ARRB1: variants seen among roughly 807,000 people sequenced by gnomAD.
The protein encoded by ARRB1 is beta-arrestin-1.
Under a neutral mutation model 56.8 loss-of-function variants are expected in ARRB1, and 21 were observed. That is an observed-to-expected ratio of 0.37 (90% CI 0.26 to 0.53). The LOEUF (loss-of-function observed/expected upper bound fraction) is 0.53. Ranked by LOEUF, ARRB1 falls within the 20% of genes least tolerant of loss-of-function variation. The pLI is 0.88. For missense variants in ARRB1, 424 were observed against 553.7 expected (o/e 0.77, Z 2.35); for synonymous variants, 210 against 218.6 (o/e 0.96, Z 0.35).
At chr11:75,292,919 G>C (rs550255534) in intron 1 of ARRB1, among the ~76,000 whole-genome samples, 11 of 152,322 alleles carry the variant, frequency 7.2e-5, no homozygotes, top group African/African-American at 2.6e-4. Flanking sequence ...CAGCAAGCCA[G>C]GGGCTCGGTC....
intron 1 of ARRB1, among the ~76,000 whole-genome samples, chr11:75,327,215 T>C (rs1219043488): frequency 7.5e-6 from 1 of 132,744 alleles, no homozygotes; most frequent in African/African-American, 2.9e-5. Flanking sequence ...GGCAGGAGAA[T>C]GGCGTGAACC....
intron 1 of ARRB1, among the ~76,000 whole-genome samples, chr11:75,333,842 C>T (rs899673465): frequency 1.3e-5 from 2 of 152,190 alleles, no homozygotes; most frequent in African/African-American, 4.8e-5. Flanking sequence ...GACATTGCTG[C>T]CAACAAACTC....
chr11:75,290,134 CTG>C lies in ARRB1; in HGVS notation c.21-97_21-96del, dbSNP rs993606146. On this transcript the variant is annotated intron_variant, in intron 1 of 15. Transcript: ENST00000420843. ...CTTGAGGCAGGACTGGGGACCAGGG[CTG>C]GAGTGACTGACAGGCACCATGCAGG... 4 of 1,467,254 alleles carry C rather than the reference CTG, an allele frequency of 2.7e-6. No individual in the cohort carries two copies. In the African/African-American group the frequency reaches 5.6e-5, roughly 21 times the overall value. 90.9% of individuals were successfully genotyped at this position (1,467,254 alleles called of 1,614,324 possible).
At chr11:75,341,977 C>T (rs1396373079) in intron 1 of ARRB1, among the ~76,000 whole-genome samples, 5 of 152,212 alleles carry the variant, frequency 3.3e-5, no homozygotes, top group Non-Finnish European at 7.3e-5. Context: ...CGCCCTCTCC[C>T]CTCCTAACGA....
chr11:75,338,417 C>A (rs1380252682), intron 1 of ARRB1, among the ~76,000 whole-genome samples: 1 of 152,154 alleles, frequency 6.6e-6, no homozygotes, highest in Non-Finnish European at 1.5e-5. Context: ...CAGTTTGGAT[C>A]CCCTGAACTG....
At chr11:75,315,110 A>T (rs1017476245) in intron 1 of ARRB1, among the ~76,000 whole-genome samples, 2 of 152,110 alleles carry the variant, frequency 1.3e-5, no homozygotes, top group African/African-American at 4.8e-5. Context: ...GCTGTAGTGA[A>T]TTTTAACAAT....
At chr11:75,273,718 C>T (rs937718272) in intron 11 of ARRB1, among the ~76,000 whole-genome samples, 2 of 152,018 alleles carry the variant, frequency 1.3e-5, no homozygotes, top group Non-Finnish European at 2.9e-5. Flanking sequence ...TCTAACCCAG[C>T]TCACCACCCT....
chr11:75,279,671 T>A (rs1205583348), intron 7 of ARRB1, among the ~76,000 whole-genome samples: 1 of 152,148 alleles, frequency 6.6e-6, no homozygotes, highest in Non-Finnish European at 1.5e-5. Context: ...AAATTTTTAT[T>A]AATTTATTTA....
intron 7 of ARRB1, among the ~76,000 whole-genome samples, chr11:75,279,217 A>G (rs1210378454): frequency 6.6e-6 from 1 of 152,228 alleles, no homozygotes. Flanking sequence ...TATAATAAAC[A>G]ACTGCCAGAT....
rs751058074 is a variant in ARRB1, at chr11:75,274,060, G to A, written c.914+14C>T. ...ATGCACTAGGAGCCCAGGGCTAGGAGGGCAGGTCCTCACAGGGTGCTAGAG... is the reference window on the plus strand; with the variant it reads ...ATGCACTAGGAGCCCAGGGCTAGGAAGGCAGGTCCTCACAGGGTGCTAGAG... On this transcript the variant is annotated intron_variant, in intron 11 of 15. Coordinates refer to ENST00000420843, the MANE Select transcript of ARRB1 (RefSeq NM_004041.5). 1 of 1,614,098 alleles carries A rather than the reference G, an allele frequency of 6.2e-7. No individual in the cohort carries two copies. Among genetic ancestry groups the A allele is most frequent in the Non-Finnish European group, 8.5e-7 (1 of 1,179,948 alleles).
Position 75,260,868 on chromosome 11 carries a change from CTT to C in ARRB1, c.*5293_*5294del, listed in dbSNP as rs1945771304. On this transcript the variant is annotated 3_prime_UTR_variant, in exon 16 of 16. Transcript: ENST00000420843. ...GTCATAAAATCCTCCCTGAGTCTGT[CTT>C]TTATGTGAGCCAAGATTTCCATCCA... 6.6e-6 allele frequency: 1 copy of C among 152,144 alleles called. No individual in the cohort carries two copies. The highest frequency in any genetic ancestry group is 1.5e-5 in the Non-Finnish European group (1 of 68,032). 9.4% of individuals were successfully genotyped at this position (152,144 alleles called of 1,614,324 possible).
rs779500908 is a variant in ARRB1 at position 75,278,734 on chromosome 11, G to T, written c.493C>A (p.Arg165Ser). ...TACTGAACCTTCCGGATGACCAGAC[G>T]CACAGAATTCCTAATGGAGATGGGC... The part of the protein sequence containing the change: ...EEKIHKRNSV[R>S]LVIRKVQYAP... The change falls in exon 8 of 16, where the codon CGT becomes AGT. Residue 165 changes from arginine (R) to serine (S), a missense_variant. Arg to Ser is a moderately radical substitution (Grantham distance 110). Transcript: ENST00000420843. 2.1e-5 allele frequency: 34 copies of T among 1,609,580 alleles called. No homozygotes were observed. Among genetic ancestry groups the T allele is most frequent in the Non-Finnish European group, 2.8e-5 (33 of 1,177,344 alleles).
intron 1 of ARRB1, among the ~76,000 whole-genome samples, chr11:75,338,490 G>C (rs536750): frequency 0.99 from 150,346 of 152,118 alleles, 74,304 homozygotes; most frequent in Middle Eastern, 1. Flanking sequence ...CCCCATCCAG[G>C]TCTACACTCA....
intron 1 of ARRB1, among the ~76,000 whole-genome samples, chr11:75,305,018 C>CTTTTTTTTTTTTTTTTTTTTTTTTTTTT: frequency 1.2e-5 from 1 of 86,732 alleles, no homozygotes; most frequent in Non-Finnish European, 2.2e-5. Flanking sequence ...TTCTTTCTTT[C>CTTTTTTTTTTTTTTTTTTTTTTTTTTTT]TTTTTTTTTT....
intron 9 of ARRB1, 50 bp from the exon 10 acceptor site, chr11:75,276,961 A>G (rs1196873068): frequency 3.8e-6 from 6 of 1,585,378 alleles, no homozygotes; most frequent in Non-Finnish European, 5.2e-6. Context: ...TGTAGCTCCC[A>G]TGGAGTCTCA....
chr11:75,278,409 C>T (rs1190598193), intron 8 of ARRB1, among the ~76,000 whole-genome samples, 200 bp downstream of exon 8: 1 of 152,202 alleles, frequency 6.6e-6, no homozygotes, highest in Non-Finnish European at 1.5e-5. Flanking sequence ...AAGTTCATGC[C>T]CCCTTTGCCA....
At position 75,272,807 on chromosome 11, in the gene ARRB1, C is replaced by A; in HGVS notation, c.998+88G>T. On this transcript the variant is annotated intron_variant, in intron 12 of 15. Coordinates refer to ENST00000420843, the MANE Select transcript of ARRB1 (RefSeq NM_004041.5). ...AAGGTGGATGCAGCTAAAAGGGCTG[C>A]AAACAGGCAGAATGGGGCAGGGGCC... The A allele has an allele frequency of 3.0e-6, 4 of 1,353,770 alleles. No homozygotes were observed. In the South Asian group the frequency reaches 3.6e-5, roughly 12 times the overall value. 83.9% of individuals were successfully genotyped at this position (1,353,770 alleles called of 1,614,324 possible).
At chr11:75,307,842 G>A (rs1053610648) in intron 1 of ARRB1, among the ~76,000 whole-genome samples, 5 of 152,232 alleles carry the variant, frequency 3.3e-5, no homozygotes, top group African/African-American at 1.2e-4. Context: ...ATGGCAGGGG[G>A]CAACAGGGGG....
chr11:75,312,420 C>T (rs924905810), intron 1 of ARRB1, among the ~76,000 whole-genome samples: 1 of 152,146 alleles, frequency 6.6e-6, no homozygotes, highest in African/African-American at 2.4e-5. Flanking sequence ...GATGGGGAGA[C>T]AAAGGCCCCA....
Sources: gnomAD v4.1 joint callset for allele counts (sites outside exome capture counted in the v4.1 genomes callset) on GRCh38, gnomAD v4.1.1 for gene constraint, MANE v1.5 for transcripts, NCBI Gene and HGNC (gene_info 2026-07-23, HGNC 2026-07-21) for gene names.